SORL1: variants seen among roughly 807,000 people sequenced by gnomAD.
SORL1 encodes the protein sortilin-related receptor.
Under a neutral mutation model 273.7 loss-of-function variants are expected in SORL1, and 127 were observed. That is an observed-to-expected ratio of 0.46 (90% CI 0.40 to 0.54). The LOEUF is 0.54. Ranked by LOEUF, SORL1 falls within the 20% of genes least tolerant of loss-of-function variation. SORL1 has a pLI of 0.00. For missense variants in SORL1, 2,494 were observed against 2,846.1 expected, an observed-to-expected ratio of 0.88 and a Z score of 2.81; for synonymous variants, 1,031 against 1,067.4, an observed-to-expected ratio of 0.97 and a Z score of 0.66.
intron 11 of SORL1, among the ~76,000 whole-genome samples, chr11:121,523,933 A>G (rs1291475804): frequency 6.6e-6 from 1 of 152,222 alleles, no homozygotes; most frequent in African/African-American, 2.4e-5. Context: ...TAAAGCAGTA[A>G]TAAAAATACC....
intron 2 of SORL1, among the ~76,000 whole-genome samples, chr11:121,472,152 TAAAAC>T (rs965619876): frequency 6.6e-6 from 1 of 151,870 alleles, no homozygotes; most frequent in African/African-American, 2.4e-5. Context: ...CTAGAAAAAA[TAAAAC>T]AAAAAATAGA....
intron 3 of SORL1, among the ~76,000 whole-genome samples, chr11:121,483,268 C>T (rs1591558969): frequency 6.6e-6 from 1 of 152,156 alleles, no homozygotes; most frequent in East Asian, 1.9e-4. Flanking sequence ...TAAAAAAGGA[C>T]ACTGAATGTA....
intron 21 of SORL1, among the ~76,000 whole-genome samples, chr11:121,561,191 A>C (rs997259236): frequency 1.3e-5 from 2 of 152,228 alleles, no homozygotes; most frequent in African/African-American, 4.8e-5. Context: ...TGCTTGTTTG[A>C]TTTGCACACA....
intron 40 of SORL1, among the ~76,000 whole-genome samples, chr11:121,613,077 C>T (rs1329983999): frequency 6.6e-6 from 1 of 152,128 alleles, no homozygotes; most frequent in East Asian, 1.9e-4. Context: ...AAGTTGGGGG[C>T]CATAAGGAGG....
At chr11:121,455,147 T>G (rs1591540769) in intron 1 of SORL1, among the ~76,000 whole-genome samples, 1 of 151,832 alleles carries the variant, frequency 6.6e-6, no homozygotes, top group Non-Finnish European at 1.5e-5. Flanking sequence ...TTTAGGAAAT[T>G]TACAATTTAA....
chr11:121,479,980 G>A (rs1027985494), intron 3 of SORL1, among the ~76,000 whole-genome samples: 17 of 152,302 alleles, frequency 1.1e-4, no homozygotes, highest in Middle Eastern at 3.4e-3. Context: ...ACCGCACAGT[G>A]TGGTCCCCAG....
chr11:121,502,252 C>T (rs967620807), intron 6 of SORL1, among the ~76,000 whole-genome samples: 1 of 147,754 alleles, frequency 6.8e-6, no homozygotes, highest in Non-Finnish European at 1.5e-5. Context: ...TCTCCTGTCT[C>T]AGCCTCCCGA....
Position 121,618,762 on chromosome 11 carries a change from T to C in SORL1, c.5605-12T>C. 1 of 1,614,128 alleles carries C rather than the reference T, an allele frequency of 6.2e-7. No individual in the cohort carries two copies. Among genetic ancestry groups the C allele is most frequent in the Non-Finnish European group, 8.5e-7 (1 of 1,179,976 alleles). ...TGAGCTGATGTCCTCTTCCATTCTC[T>C]GCTTTTACCAGGTTTATGGTATTTT... On this transcript the variant is annotated splice_polypyrimidine_tract_variant and intron_variant, in intron 41 of 47. Transcript: ENST00000260197.
intron 13 of SORL1, among the ~76,000 whole-genome samples, chr11:121,544,216 T>C (rs368365483): frequency 8.5e-5 from 13 of 152,256 alleles, no homozygotes; most frequent in Middle Eastern, 3.4e-3. Context: ...CCCCATCTTA[T>C]CTTACCCTTT....
intron 34 of SORL1, 31 bp from the exon 35 acceptor site, chr11:121,605,361 CTGCTCCAGTG>C: frequency 6.3e-7 from 1 of 1,592,510 alleles, no homozygotes; most frequent in East Asian, 2.2e-5. Flanking sequence ...GCCCCCCATG[CTGCTCCAGTG>C]TGACAATATC....
Position 121,589,892 on chromosome 11 carries a change from A to G in SORL1, c.4079-148A>G, listed in dbSNP as rs1355552999. 3.5e-5 allele frequency: 31 copies of G among 877,696 alleles called. 1 individual carries two copies. Among genetic ancestry groups the G allele is most frequent in the Admixed American group, 1.1e-4 (5 of 43,648 alleles). 54.4% of individuals were successfully genotyped at this position (877,696 alleles called of 1,614,324 possible). ...TTTGTAGGTGTATTTTTTGTTCCCC[A>G]TTGGGTCCATGAAGCTGCCTTATCT... is the stretch of plus-strand genomic sequence containing the variant. On this transcript the variant is annotated intron_variant, in intron 29 of 47. Coordinates refer to ENST00000260197, the MANE Select transcript of SORL1 (RefSeq NM_003105.6).
At chr11:121,454,290 G>C (rs568884467) in intron 1 of SORL1, among the ~76,000 whole-genome samples, 1 of 152,256 alleles carries the variant, frequency 6.6e-6, no homozygotes, top group Non-Finnish European at 1.5e-5. Flanking sequence ...TTGGGGGCTG[G>C]TGGGAGACAA....
chr11:121,470,198 A>G lies in SORL1; in HGVS notation c.402+75A>G, dbSNP rs767065500. 4.7e-5 allele frequency: 45 copies of G among 949,330 alleles called. No individual in the cohort carries two copies. In the Middle Eastern group the frequency reaches 1.6e-3, roughly 33 times the overall value. The allele number at this position is 949,330 out of a possible 1,614,324, so 58.8% of individuals were successfully genotyped here. ...TTTTCTGGTCCACTGGGATTATCAT[A>G]CTGGAAAAAGTAGTGGGTAATTGGA... On this transcript the variant is annotated intron_variant, in intron 2 of 47. Transcript: ENST00000260197.
chr11:121,577,920 A>G (rs1210908410), intron 25 of SORL1, among the ~76,000 whole-genome samples: 1 of 152,172 alleles, frequency 6.6e-6, no homozygotes, highest in Admixed American at 6.5e-5. Context: ...TGTTCATTAC[A>G]TTATTTTTAT....
At chr11:121,493,988 A>T (rs922396093) in intron 5 of SORL1, among the ~76,000 whole-genome samples, 4 of 152,220 alleles carry the variant, frequency 2.6e-5, no homozygotes, top group Non-Finnish European at 5.9e-5. Context: ...TAGTGAAATT[A>T]TAACCACAGT....
Position 121,627,603 on chromosome 11 carries a change from C to T in SORL1, c.6413C>T (p.Ala2138Val). 1.9e-6 allele frequency: 3 copies of T among 1,614,224 alleles called. No individual in the cohort carries two copies. Among genetic ancestry groups the T allele is most frequent in the Non-Finnish European group, 2.5e-6 (3 of 1,180,028 alleles). The change falls in exon 47 of 48, where the codon GCT becomes GTT. Residue 2138 changes from alanine (A) to valine (V), a missense_variant. Transcript: ENST00000260197. This position sits in a 1 kb window ranked among gnomAD's most constrained non-coding sequence, Gnocchi z 4.9. ...TQAARSTDVA[A>V]VVVPILFLIL... ...GCTGCCAGATCTACGGATGTTGCTG[C>T]TGTGGTGGTGCCCATCTTATTCCTG... is the stretch of plus-strand genomic sequence containing the variant.
At chr11:121,492,254 G>A (rs576947938) in intron 5 of SORL1, among the ~76,000 whole-genome samples, 104 of 152,180 alleles carry the variant, frequency 6.8e-4, no homozygotes, top group Middle Eastern at 3.4e-3. Context: ...CCAGCTACTC[G>A]GGAGGCTGAG....
In SORL1 at chr11:121,452,370, G is replaced by A. The variant is rs2134756496; in HGVS notation, c.39G>A (p.Pro13=). 1.3e-6 allele frequency: 2 copies of A among 1,553,706 alleles called. No individual in the cohort carries two copies. The highest frequency in any genetic ancestry group is 2.6e-5 in the East Asian group (1 of 38,536). The change falls in exon 1 of 48, where the codon CCG becomes CCA. Residue 13 remains proline, a synonymous_variant. Coordinates refer to ENST00000260197, the MANE Select transcript of SORL1 (RefSeq NM_003105.6). This position sits in a 1 kb window ranked among gnomAD's most constrained non-coding sequence, Gnocchi z 5.3. ...GCAGCAGGAGGGAGTCGCGACTCCC[G>A]TTCCTATTCACCCTGGTCGCACTGC... is the stretch of plus-strand genomic sequence containing the variant. ...TRSSRRESRL[P]FLFTLVALLP...
In SORL1 at chr11:121,514,306, G is replaced by A. The variant is rs1237543050; in HGVS notation, c.1196G>A (p.Ser399Asn). Residue 399 changes from serine (S) to asparagine (N), a missense_variant, in exon 8 of 48, where the codon AGT (serine) becomes AAT (asparagine). Transcript: ENST00000260197. Reference sequence around the variant, plus strand: ...TATTACAGCCCAGGAGGGGCCGGCAGTGACACCTTGGTGAGGTAAGGAGAC... The same window carrying A: ...TATTACAGCCCAGGAGGGGCCGGCAATGACACCTTGGTGAGGTAAGGAGAC... Reference protein sequence around the residue: ...VLYYSPGGAGSDTLVRYFANE... With the variant: ...VLYYSPGGAGNDTLVRYFANE... 6.2e-7 allele frequency: 1 copy of A among 1,613,842 alleles called. No homozygotes were observed. Among genetic ancestry groups the A allele is most frequent in the East Asian group, 2.2e-5 (1 of 44,876 alleles).
Sources: allele counts gnomAD v4.1 joint callset (sites outside exome capture counted in the v4.1 genomes callset), GRCh38; gene constraint gnomAD v4.1.1; non-coding constraint Gnocchi (gnomAD v3.1); transcripts MANE v1.5; gene names NCBI Gene and HGNC (gene_info 2026-07-23, HGNC 2026-07-21).